SUGCT: variants seen among roughly 807,000 people sequenced by gnomAD.
SUGCT encodes succinyl-CoA:glutarate CoA-transferase.
Under a neutral mutation model 55.0 loss-of-function variants are expected in SUGCT, and 41 were observed. The ratio of observed to expected loss-of-function variants is 0.74; its 90% CI spans 0.58 to 0.97. SUGCT has a LOEUF of 0.97. Ranked by LOEUF, SUGCT falls within the 50% of genes least tolerant of loss-of-function variation. SUGCT has a pLI of 0.00. For synonymous variants in SUGCT, 187 were observed against 200.4 expected, an observed-to-expected ratio of 0.93 and a Z score of 0.56; for missense variants, 568 against 547.8, an observed-to-expected ratio of 1.04 and a Z score of -0.37.
chr7:40,811,662 C>T (rs1225183235), intron 13 of SUGCT, among the ~76,000 whole-genome samples: 1 of 151,974 alleles, frequency 6.6e-6, no homozygotes, highest in Non-Finnish European at 1.5e-5. Flanking sequence ...TTTCAGGAGC[C>T]TGTGATGGAG....
intron 9 of SUGCT, among the ~76,000 whole-genome samples, chr7:40,401,195 A>G (rs1032233186): frequency 6.6e-6 from 1 of 152,224 alleles, no homozygotes; most frequent in South Asian, 2.1e-4. Flanking sequence ...GGCCTTAAGA[A>G]GGAATATTTA....
intron 12 of SUGCT, among the ~76,000 whole-genome samples, chr7:40,556,370 TCCGCAGG>T (rs1795561200): frequency 7.1e-6 from 1 of 140,266 alleles, no homozygotes; most frequent in African/African-American, 3.3e-5. Context: ...ACACTACAGC[TCCGCAGG>T]ATTAGGCTGA....
the SUGCT span, among the ~76,000 whole-genome samples, chr7:40,884,665 G>T: frequency 3.3e-5 from 5 of 152,178 alleles, no homozygotes; most frequent in Non-Finnish European, 7.4e-5. Context: ...CAATTTAGAA[G>T]AAACATGACA....
chr7:40,506,203 C>T lies in SUGCT; in HGVS notation c.1089+9817C>T, dbSNP rs1434391684. On this transcript the variant is annotated intron_variant, in intron 12 of 13. Transcript: ENST00000335693. ...GTCTATTAGCAATGTGAATTTTTTT[C>T]CACGTTTTTTTGATCTGAGATTGCC... is the stretch of plus-strand genomic sequence containing the variant. Among the ~76,000 whole-genome samples, 3 of 152,028 alleles carry T rather than the reference C, an allele frequency of 2.0e-5. No individual in the cohort carries two copies. The East Asian group carries it at 5.8e-4, about 29-fold the overall frequency.
At chr7:40,766,461 C>T (rs1210449165) in intron 13 of SUGCT, among the ~76,000 whole-genome samples, 3 of 152,172 alleles carry the variant, frequency 2.0e-5, no homozygotes, top group Non-Finnish European at 4.4e-5. Context: ...CCACCTGCCT[C>T]GGCCTCCCAA....
intron 13 of SUGCT, among the ~76,000 whole-genome samples, chr7:40,835,284 G>C (rs1452659208): frequency 1.3e-5 from 2 of 152,140 alleles, no homozygotes; most frequent in African/African-American, 4.8e-5. Flanking sequence ...AGATTCACCT[G>C]AAAACATAAA....
At chr7:40,355,933 A>G (rs1257470155) in intron 9 of SUGCT, among the ~76,000 whole-genome samples, 1 of 152,258 alleles carries the variant, frequency 6.6e-6, no homozygotes, top group African/African-American at 2.4e-5. Context: ...TCTAGAATTT[A>G]TTAGACTTTT....
At chr7:40,383,319 A>G (rs1181135660) in intron 9 of SUGCT, among the ~76,000 whole-genome samples, 1 of 152,208 alleles carries the variant, frequency 6.6e-6, no homozygotes, top group Non-Finnish European at 1.5e-5. Flanking sequence ...ATCGATTTTA[A>G]GTAACTTGCC....
intron 9 of SUGCT, among the ~76,000 whole-genome samples, chr7:40,429,705 G>C (rs1787792590): frequency 6.6e-6 from 1 of 152,138 alleles, no homozygotes; most frequent in African/African-American, 2.4e-5. Context: ...CCCAGATTGA[G>C]GGTGGGTCTG....
intron 9 of SUGCT, among the ~76,000 whole-genome samples, chr7:40,424,585 C>T (rs1787483781): frequency 6.6e-6 from 1 of 152,252 alleles, no homozygotes; most frequent in Non-Finnish European, 1.5e-5. Context: ...TTTCAGTTTC[C>T]ATACCTATAA....
the SUGCT span, among the ~76,000 whole-genome samples, chr7:40,873,416 A>G: frequency 2.6e-5 from 4 of 152,218 alleles, no homozygotes; most frequent in African/African-American, 9.6e-5. Context: ...GCATCTGGCA[A>G]CCAGACTTCT....
In SUGCT at chr7:40,793,998, CAT is replaced by C. The variant is rs555063991; in HGVS notation, c.1153+44502_1153+44503del. Reference sequence around the variant, plus strand: ...CTTATTTCTAAAAGTTATGTTTTCACATGTTATTCTTATAGAGTGATTTTTTT... The same window carrying C: ...CTTATTTCTAAAAGTTATGTTTTCACGTTATTCTTATAGAGTGATTTTTTT... On this transcript the variant is annotated intron_variant, in intron 13 of 13. Transcript: ENST00000335693. Among the ~76,000 whole-genome samples the C allele has an allele frequency of 2.9e-3, 427 of 148,462 alleles. 2 individuals carry two copies. Among genetic ancestry groups the C allele is most frequent in the Non-Finnish European group, 4.4e-3 (293 of 66,888 alleles).
the SUGCT span, among the ~76,000 whole-genome samples, chr7:40,868,176 CT>C: frequency 1.3e-5 from 2 of 152,248 alleles, no homozygotes; most frequent in Admixed American, 1.3e-4. Flanking sequence ...CTGAGCTAGT[CT>C]TTTTTTCTTT....
At chr7:40,461,146 A>C (rs534656736) in intron 11 of SUGCT, among the ~76,000 whole-genome samples, 50 of 152,320 alleles carry the variant, frequency 3.3e-4, no homozygotes, top group African/African-American at 1.2e-3. Flanking sequence ...GAAGATTAGA[A>C]TTAGAATATT....
chr7:40,483,373 T>C (rs1308897205), intron 11 of SUGCT, among the ~76,000 whole-genome samples: 1 of 152,180 alleles, frequency 6.6e-6, no homozygotes, highest in African/African-American at 2.4e-5. Context: ...TCCCCACAAA[T>C]GTTAGTGTAG....
chr7:40,242,618 A>G (rs773005013), intron 7 of SUGCT, among the ~76,000 whole-genome samples: 7 of 151,612 alleles, frequency 4.6e-5, no homozygotes, highest in Non-Finnish European at 1.0e-4. Flanking sequence ...AATGATCCTG[A>G]TGTCTGTTGT....
At chr7:40,448,958 A>G (rs1024031437) in intron 9 of SUGCT, among the ~76,000 whole-genome samples, 1 of 150,258 alleles carries the variant, frequency 6.7e-6, no homozygotes, top group Non-Finnish European at 1.5e-5. Context: ...GTGTATATAT[A>G]TATAGAGAGA....
chr7:40,706,258 A>G (rs1337106101), intron 12 of SUGCT, among the ~76,000 whole-genome samples: 2 of 152,108 alleles, frequency 1.3e-5, no homozygotes, highest in African/African-American at 2.4e-5. Flanking sequence ...TGTAATCCCA[A>G]TACTTTGGGA....
intron 9 of SUGCT, among the ~76,000 whole-genome samples, chr7:40,426,836 T>G (rs1430731747): frequency 6.6e-6 from 1 of 151,828 alleles, no homozygotes; most frequent in Non-Finnish European, 1.5e-5. Context: ...TTTTAAGAGA[T>G]AGGGTCTTGC....
Sources: gnomAD v4.1 joint callset for allele counts (sites outside exome capture counted in the v4.1 genomes callset) on GRCh38, gnomAD v4.1.1 for gene constraint, MANE v1.5 for transcripts, NCBI Gene and HGNC (gene_info 2026-07-23, HGNC 2026-07-21) for gene names.